The following GLRA1 variants were observed in gnomAD, a reference collection of about 807,000 sequenced individuals.
The protein encoded by GLRA1 is glycine receptor subunit alpha-1.
A neutral mutation model predicts 48.3 loss-of-function variants in GLRA1; 37 were observed. That is an observed-to-expected ratio of 0.77 (90% CI 0.59 to 1.01). The LOEUF (loss-of-function observed/expected upper bound fraction) is 1.01, where lower values mean the gene tolerates loss of function less well. Among genes scored for constraint, GLRA1 ranks in the 50% least tolerant of loss-of-function variants. The pLI, the probability that GLRA1 is intolerant of heterozygous loss-of-function variation, is 0.00. For missense variants in GLRA1, 427 were observed against 571.0 expected (o/e 0.75, Z 2.57); for synonymous variants, 196 against 210.7 (o/e 0.93, Z 0.60).
At chr5:151,858,247 G>A (rs1753099956) in intron 4 of GLRA1, among the ~76,000 whole-genome samples, 1 of 152,174 alleles carries the variant, frequency 6.6e-6, no homozygotes, top group Admixed American at 6.6e-5. Flanking sequence ...GAAGGGAGAG[G>A]CTGAGGAAGA....
intron 1 of GLRA1, among the ~76,000 whole-genome samples, chr5:151,920,036 CA>C (rs1321446762): frequency 2.0e-5 from 3 of 152,228 alleles, no homozygotes; most frequent in Non-Finnish European, 4.4e-5. Context: ...TTAAAGGGAG[CA>C]GTGTCTCCCC....
At chr5:151,849,848 C>T in intron 7 of GLRA1, 2 of 1,377,068 alleles carry the variant, frequency 1.5e-6, no homozygotes, top group Non-Finnish European at 1.9e-6. Flanking sequence ...GCCACCATGC[C>T]TAGCCTAGAA....
At chr5:151,855,552 C>T (rs1333124637) in intron 5 of GLRA1, among the ~76,000 whole-genome samples, 3 of 152,130 alleles carry the variant, frequency 2.0e-5, no homozygotes, top group African/African-American at 7.2e-5. Context: ...GTGGGACTAA[C>T]CACTGGCTGG....
In GLRA1 at chr5:151,824,695, C is replaced by T. The variant is rs555833973; in HGVS notation, c.1060-1732G>A. 3.9e-5 allele frequency among the ~76,000 whole-genome samples: 6 copies of T among 152,208 alleles called. No individual in the cohort carries two copies. In the South Asian group the frequency reaches 8.3e-4, roughly 21 times the overall value. ...TCTGAGCTCCCAAGTATAGGCTAGC[C>T]GCTCCTGCTGTGTGCTCCATAAGCT... On this transcript the variant is annotated intron_variant, in intron 8 of 8. Coordinates refer to ENST00000274576, the MANE Select transcript of GLRA1 (RefSeq NM_000171.4).
At chr5:151,850,294 G>A in intron 7 of GLRA1, 1 of 1,603,296 alleles carries the variant, frequency 6.2e-7, no homozygotes, top group Non-Finnish European at 8.5e-7. Flanking sequence ...TTTCAAACCG[G>A]ACCCTGTGAA....
At chr5:151,855,210 A>T (rs774562316) in intron 5 of GLRA1, 33 bp from the exon 6 acceptor site, 2 of 1,608,376 alleles carry the variant, frequency 1.2e-6, no homozygotes, top group African/African-American at 2.7e-5. Flanking sequence ...AGCAGTCACC[A>T]CTCAGAAGCA....
At chr5:151,847,826 T>C (rs1306372480) in intron 7 of GLRA1, among the ~76,000 whole-genome samples, 1 of 151,674 alleles carries the variant, frequency 6.6e-6, no homozygotes, top group African/African-American at 2.4e-5. Context: ...GAAAGAAAAA[T>C]AGTGCCTGGT....
intron 7 of GLRA1, among the ~76,000 whole-genome samples, chr5:151,833,084 C>T (rs1401273413): frequency 2.6e-5 from 4 of 152,194 alleles, no homozygotes; most frequent in Non-Finnish European, 5.9e-5. Flanking sequence ...GAATCCTTTA[C>T]AGACAAGCAA....
intron 7 of GLRA1, among the ~76,000 whole-genome samples, chr5:151,849,472 C>CTTTCCT: frequency 2.2e-5 from 1 of 45,972 alleles, no homozygotes. Flanking sequence ...TCCTTCCTTC[C>CTTTCCT]TTCCTTCCTT....
chr5:151,891,732 C>T lies in GLRA1; in HGVS notation c.184+579G>A, dbSNP rs551149210. Among the ~76,000 whole-genome samples, 12 of 152,206 alleles carry T rather than the reference C, an allele frequency of 7.9e-5. No individual in the cohort carries two copies. In the East Asian group the frequency reaches 1.2e-3, roughly 15 times the overall value. On this transcript the variant is annotated intron_variant, in intron 2 of 8. Coordinates refer to ENST00000274576, the MANE Select transcript of GLRA1 (RefSeq NM_000171.4). Reference sequence around the variant, plus strand: ...AATTTTTCAAAATTATTTGTTAGCCCGTGGGAAACTTTCAGCTGAAGAATT... The same window carrying T: ...AATTTTTCAAAATTATTTGTTAGCCTGTGGGAAACTTTCAGCTGAAGAATT...
intron 3 of GLRA1, among the ~76,000 whole-genome samples, chr5:151,872,888 T>C (rs1004026968): frequency 1.3e-5 from 2 of 149,488 alleles, no homozygotes; most frequent in African/African-American, 2.6e-5. Flanking sequence ...AAAAAGCAAA[T>C]TGTATTGCAC....
At chr5:151,860,520 G>A (rs1430613638) in intron 3 of GLRA1, among the ~76,000 whole-genome samples, 1 of 152,200 alleles carries the variant, frequency 6.6e-6, no homozygotes, top group Non-Finnish European at 1.5e-5. Context: ...TGATGTCTGA[G>A]CATTCAAACT....
At chr5:151,913,454 G>T (rs1472482123) in intron 1 of GLRA1, among the ~76,000 whole-genome samples, 1 of 152,152 alleles carries the variant, frequency 6.6e-6, no homozygotes, top group Non-Finnish European at 1.5e-5. Context: ...ATTTTGGGTT[G>T]GAATTCAGTT....
chr5:151,894,664 CCCACTGTGTCTA>C (rs1754186338), intron 1 of GLRA1, among the ~76,000 whole-genome samples: 1 of 152,100 alleles, frequency 6.6e-6, no homozygotes, highest in South Asian at 2.1e-4. Context: ...TCTTTCATTC[CCCACTGTGTCTA>C]CCATGGTGTC....
At chr5:151,881,597 A>G (rs1681586435) in intron 3 of GLRA1, among the ~76,000 whole-genome samples, 2 of 151,242 alleles carry the variant, frequency 1.3e-5, no homozygotes, top group African/African-American at 4.9e-5. Flanking sequence ...TGGCCTCCCA[A>G]AGTGCTGGGA....
chr5:151,833,699 G>A lies in GLRA1; in HGVS notation c.913-4632C>T, dbSNP rs1003174959. ...GCTAGTCTCGAACTCCTGACCTCAG[G>A]CTATCCACCTGCCTCGGCCTCCCAG... On this transcript the variant is annotated intron_variant, in intron 7 of 8. Coordinates refer to ENST00000274576, the MANE Select transcript of GLRA1 (RefSeq NM_000171.4). Among the ~76,000 whole-genome samples, 9 of 148,960 alleles carry A rather than the reference G, an allele frequency of 6.0e-5. No individual in the cohort carries two copies. The Admixed American group carries it at 6.1e-4, about 10-fold the overall frequency.
intron 1 of GLRA1, among the ~76,000 whole-genome samples, chr5:151,916,639 C>T (rs76978050): frequency 2.0e-4 from 30 of 152,314 alleles, no homozygotes; most frequent in African/African-American, 5.8e-4. Flanking sequence ...GAGAGTACAA[C>T]GTACACAGGA....
intron 7 of GLRA1, among the ~76,000 whole-genome samples, chr5:151,841,281 T>G (rs1385446145): frequency 6.6e-6 from 1 of 151,984 alleles, no homozygotes; most frequent in East Asian, 1.9e-4. Context: ...AAAAGATATA[T>G]TAAGGAATAC....
chr5:151,900,755 A>G (rs1287407318), intron 1 of GLRA1, among the ~76,000 whole-genome samples: 1 of 152,212 alleles, frequency 6.6e-6, no homozygotes, highest in Non-Finnish European at 1.5e-5. Flanking sequence ...GTTTCAAGCC[A>G]AACTTTCAGC....
Sources: allele counts gnomAD v4.1 joint callset (sites outside exome capture counted in the v4.1 genomes callset), GRCh38; gene constraint gnomAD v4.1.1; transcripts MANE v1.5; gene names NCBI Gene and HGNC (gene_info 2026-07-23, HGNC 2026-07-21).